The following LMBR1 variants were observed in gnomAD, a reference collection of about 807,000 sequenced individuals.
The protein encoded by LMBR1 is limb development membrane protein 1, also known as limb region 1 protein homolog.
A neutral mutation model predicts 73.9 loss-of-function variants in LMBR1; 52 were observed. The observed-to-expected ratio is 0.70, with a 90% CI of 0.56 to 0.89. The LOEUF is 0.89. Among genes scored for constraint, LMBR1 ranks in the 40% least tolerant of loss-of-function variants. The probability of loss-of-function intolerance (pLI) is 0.00; values close to 1 mark genes in which losing one functional copy is unlikely to be tolerated. For missense variants in LMBR1, 539 were observed against 579.8 expected (o/e 0.93, Z 0.72); for synonymous variants, 215 against 209.4 (o/e 1.03, Z -0.23).
chr7:156,790,610 T>C (rs1829041537), intron 5 of LMBR1, among the ~76,000 whole-genome samples: 1 of 151,950 alleles, frequency 6.6e-6, no homozygotes, highest in Non-Finnish European at 1.5e-5. Flanking sequence ...ACAGTGTATA[T>C]GGAAACTGAG....
intron 9 of LMBR1, among the ~76,000 whole-genome samples, chr7:156,755,113 C>T (rs74597183): frequency 0.063 from 9,609 of 152,260 alleles, 406 homozygotes; most frequent in Non-Finnish European, 0.098. Context: ...TCTCCAGGTC[C>T]AATCCATCTC....
At chr7:156,694,684 C>A (rs1807920019) in intron 15 of LMBR1, among the ~76,000 whole-genome samples, 1 of 152,186 alleles carries the variant, frequency 6.6e-6, no homozygotes, top group East Asian at 1.9e-4. Context: ...TTAAGGACTC[C>A]ATCAAACAAA....
At chr7:156,697,288 G>C (rs911333276) in intron 15 of LMBR1, among the ~76,000 whole-genome samples, 1 of 152,180 alleles carries the variant, frequency 6.6e-6, no homozygotes, top group African/African-American at 2.4e-5. Context: ...TGAGGGAACA[G>C]GACAAAGGGA....
chr7:156,850,751 T>C (rs1258384101), intron 1 of LMBR1, among the ~76,000 whole-genome samples: 1 of 152,242 alleles, frequency 6.6e-6, no homozygotes, highest in East Asian at 1.9e-4. Context: ...TATATAAAGA[T>C]GTTCACTTTT....
chr7:156,795,803 G>C (rs767554123), intron 5 of LMBR1, among the ~76,000 whole-genome samples: 4 of 152,040 alleles, frequency 2.6e-5, no homozygotes, highest in Non-Finnish European at 4.4e-5. Flanking sequence ...CCCTCCTGCC[G>C]CAGCCTCCCA....
At chr7:156,735,900 C>G (rs1301988810) in intron 9 of LMBR1, among the ~76,000 whole-genome samples, 1 of 152,064 alleles carries the variant, frequency 6.6e-6, no homozygotes, top group Non-Finnish European at 1.5e-5. Flanking sequence ...CTATAGGCAA[C>G]TGAAATAGAC....
chr7:156,705,858 G>C (rs1810810934), intron 15 of LMBR1, among the ~76,000 whole-genome samples: 1 of 151,834 alleles, frequency 6.6e-6, no homozygotes, highest in South Asian at 2.1e-4. Context: ...GAGAAATAGA[G>C]AAAAAGATAA....
chr7:156,843,848 A>AG (rs1489603559), intron 1 of LMBR1, among the ~76,000 whole-genome samples: 14 of 151,002 alleles, frequency 9.3e-5, no homozygotes, highest in Admixed American at 1.3e-4. Context: ...AAAAAAAAAA[A>AG]AAAGAAAGAA....
In LMBR1 at chr7:156,855,197, CA is replaced by C. The variant is rs368086698; in HGVS notation, c.67-18313del. 3.2e-3 allele frequency among the ~76,000 whole-genome samples: 483 copies of C among 152,184 alleles called. 7 individuals are homozygous for C. Among genetic ancestry groups the C allele is most frequent in the African/African-American group, 0.011 (452 of 41,498 alleles). On this transcript the variant is annotated intron_variant, in intron 1 of 16. Coordinates refer to ENST00000353442, the MANE Select transcript of LMBR1 (RefSeq NM_022458.4). ...TTCAAAAATATGTGTGTAATGTCAG[CA>C]AAGACATGGAAATGTTAAGAATAAT... is the stretch of plus-strand genomic sequence containing the variant.
At chr7:156,868,576 T>C (rs920405396) in intron 1 of LMBR1, among the ~76,000 whole-genome samples, 6 of 151,876 alleles carry the variant, frequency 4.0e-5, no homozygotes, top group African/African-American at 1.5e-4. Context: ...GTCAGGAGAA[T>C]TGCTTGAACC....
intron 15 of LMBR1, among the ~76,000 whole-genome samples, chr7:156,702,965 T>C (rs1350437557): frequency 6.6e-6 from 1 of 152,226 alleles, no homozygotes; most frequent in Admixed American, 6.5e-5. Context: ...CCATGTGGCC[T>C]GGGGCCAAAA....
chr7:156,874,252 A>G (rs1349803744), intron 1 of LMBR1, among the ~76,000 whole-genome samples: 1 of 152,250 alleles, frequency 6.6e-6, no homozygotes, highest in East Asian at 1.9e-4. Context: ...CTGGGTGCTA[A>G]GTCCCTCATT....
chr7:156,786,105 G>T (rs1475590579), intron 5 of LMBR1, among the ~76,000 whole-genome samples: 1 of 151,630 alleles, frequency 6.6e-6, no homozygotes, highest in Admixed American at 6.6e-5. Context: ...GAGGCAGGGA[G>T]GGAGGGAAGG....
At chr7:156,792,070 T>A (rs1240140454) in intron 5 of LMBR1, among the ~76,000 whole-genome samples, 1 of 152,222 alleles carries the variant, frequency 6.6e-6, no homozygotes, top group Non-Finnish European at 1.5e-5. Flanking sequence ...AACTACCATT[T>A]AAACACTGGC....
At chr7:156,715,310 A>G (rs1812981623) in intron 15 of LMBR1, among the ~76,000 whole-genome samples, 2 of 152,132 alleles carry the variant, frequency 1.3e-5, no homozygotes, top group African/African-American at 4.8e-5. Context: ...TTAAAAATAA[A>G]CAGTTCAAGG....
chr7:156,877,020 G>T (rs1010232523), intron 1 of LMBR1, among the ~76,000 whole-genome samples: 1 of 151,822 alleles, frequency 6.6e-6, no homozygotes, highest in Non-Finnish European at 1.5e-5. Context: ...AAATACAAAA[G>T]AAAAATGAAA....
intron 1 of LMBR1, among the ~76,000 whole-genome samples, chr7:156,856,422 T>C (rs1404552338): frequency 6.6e-6 from 1 of 151,880 alleles, no homozygotes; most frequent in Non-Finnish European, 1.5e-5. Flanking sequence ...TAAAGAAAGA[T>C]CATTAGGCCA....
At chr7:156,851,017 T>G (rs1316083864) in intron 1 of LMBR1, among the ~76,000 whole-genome samples, 1 of 152,078 alleles carries the variant, frequency 6.6e-6, no homozygotes, top group African/African-American at 2.4e-5. Context: ...TCCCTCTTGC[T>G]CCCTCTCGCC....
intron 15 of LMBR1, among the ~76,000 whole-genome samples, chr7:156,701,644 T>A (rs1162102508): frequency 6.6e-6 from 1 of 152,190 alleles, no homozygotes; most frequent in African/African-American, 2.4e-5. Context: ...TTTTCAAAAA[T>A]TGAATTTTAT....
Sources: gnomAD v4.1 joint callset for allele counts (sites outside exome capture counted in the v4.1 genomes callset) on GRCh38, gnomAD v4.1.1 for gene constraint, MANE v1.5 for transcripts, NCBI Gene and HGNC (gene_info 2026-07-23, HGNC 2026-07-21) for gene names.